LARS2: variants seen among roughly 807,000 people sequenced by gnomAD.
LARS2 encodes leucyl-tRNA synthetase 2, mitochondrial, also known as leucine--tRNA ligase, mitochondrial.
LARS2 carries 81 observed loss-of-function variants against 116.6 expected under a neutral mutation model. The observed-to-expected ratio is 0.69, with a 90% confidence interval of 0.58 to 0.84. LARS2 has a LOEUF of 0.84. Among genes scored for constraint, LARS2 ranks in the 40% least tolerant of loss-of-function variants. The probability of loss-of-function intolerance (pLI) is 0.00; values close to 1 mark genes in which losing one functional copy is unlikely to be tolerated. For missense variants in LARS2, 968 were observed against 1,114.5 expected, an observed-to-expected ratio of 0.87 and a Z score of 1.87; for synonymous variants, 396 against 407.2, an observed-to-expected ratio of 0.97 and a Z score of 0.33.
At chr3:45,400,481 G>A in intron 4 of LARS2, 108 bp downstream of exon 4, 1 of 1,091,744 alleles carries the variant, frequency 9.2e-7, no homozygotes, top group Non-Finnish European at 1.3e-6. Flanking sequence ...GTTAAGATTA[G>A]GACAGCTTTG....
chr3:45,526,426 C>T (rs1441165509), intron 20 of LARS2, among the ~76,000 whole-genome samples: 1 of 152,034 alleles, frequency 6.6e-6, no homozygotes, highest in Admixed American at 6.6e-5. Flanking sequence ...GTGGAGGAGG[C>T]AGTTTTAGAT....
At chr3:45,440,324 A>G (rs1559469933) in intron 6 of LARS2, among the ~76,000 whole-genome samples, 1 of 152,254 alleles carries the variant, frequency 6.6e-6, no homozygotes, top group Non-Finnish European at 1.5e-5. Flanking sequence ...AGACAAAGCC[A>G]TCACTAAACA....
At position 45,475,097 on chromosome 3, in the gene LARS2, T is replaced by C. The variant is rs1487282492; in HGVS notation, c.858+747T>C. 2.6e-5 allele frequency among the ~76,000 whole-genome samples: 4 copies of C among 152,336 alleles called. No homozygotes were observed. In the East Asian group the frequency reaches 7.7e-4, roughly 29 times the overall value. On this transcript the variant is annotated intron_variant, in intron 9 of 21. Coordinates refer to ENST00000645846, the MANE Select transcript of LARS2 (RefSeq NM_015340.4). The stretch of plus-strand genomic sequence containing the variant: ...TTTTTATCCTTCTGATTTCTCCTTC[T>C]GTCATCAAGACTTTTCTGCTCTGTT...
intron 1 of LARS2, chr3:45,389,223 T>C (rs1697896546): frequency 6.6e-6 from 1 of 151,924 alleles, no homozygotes. Flanking sequence ...TACACAGATG[T>C]CCTCGTGTGC....
At chr3:45,446,122 C>T (rs1253854405) in intron 6 of LARS2, among the ~76,000 whole-genome samples, 1 of 152,156 alleles carries the variant, frequency 6.6e-6, no homozygotes, top group Non-Finnish European at 1.5e-5. Flanking sequence ...GAAACATTCC[C>T]TCCCATCATT....
Position 45,516,669 on chromosome 3 carries a change from A to G in LARS2, c.2044+393A>G, listed in dbSNP as rs76058500. Among the ~76,000 whole-genome samples the G allele has an allele frequency of 8.6e-3, 1,310 of 152,236 alleles. 15 individuals are homozygous for G. The highest frequency in any genetic ancestry group is 0.022 in the African/African-American group (923 of 41,514). On this transcript the variant is annotated intron_variant, in intron 17 of 21. Coordinates refer to ENST00000645846, the MANE Select transcript of LARS2 (RefSeq NM_015340.4). ...CTTCTGAGCTACTCCTAGGCCTGCT[A>G]TAGTCCAAAGAGGCCAGTTCCCTCT...
rs752855259 is a variant in LARS2, at chr3:45,547,474, A to C, written c.2656A>C (p.Lys886Gln). ...GVRLLQGRSI[K>Q]KSFLSPRTAL... ...CAGGCTTTTGCAAGGACGAAGCATCAAGAAGTCCTTCCTTTCCCCGAGAAC... is the reference window on the plus strand; with the variant it reads ...CAGGCTTTTGCAAGGACGAAGCATCCAGAAGTCCTTCCTTTCCCCGAGAAC... The change falls in exon 22 of 22, where the codon AAG becomes CAG. Residue 886 changes from lysine to glutamine, a missense_variant. Physicochemically the swap from Lys to Gln is moderately conservative, Grantham distance 53 (BLOSUM62 1). Transcript: ENST00000645846. The C allele has an allele frequency of 1.2e-6, 2 of 1,613,628 alleles. No individual in the cohort carries two copies. Among genetic ancestry groups the C allele is most frequent in the Non-Finnish European group, 1.7e-6 (2 of 1,179,838 alleles).
At chr3:45,475,146 AC>A (rs1272619831) in intron 9 of LARS2, among the ~76,000 whole-genome samples, 1 of 152,116 alleles carries the variant, frequency 6.6e-6, no homozygotes, top group East Asian at 1.9e-4. Context: ...ACCTGCCCTC[AC>A]TTTCGTCCCC....
At chr3:45,395,251 A>G (rs918500561) in intron 3 of LARS2, among the ~76,000 whole-genome samples, 2 of 152,236 alleles carry the variant, frequency 1.3e-5, no homozygotes, top group Non-Finnish European at 2.9e-5. Context: ...GGGGCACACC[A>G]GCCCTTTCAC....
At chr3:45,537,654 T>C (rs1397155306) in intron 20 of LARS2, among the ~76,000 whole-genome samples, 2 of 152,218 alleles carry the variant, frequency 1.3e-5, no homozygotes, top group Non-Finnish European at 2.9e-5. Flanking sequence ...CAAGGCTACA[T>C]GAGGCATAGC....
chr3:45,421,765 A>G (rs766501199), intron 6 of LARS2: 3 of 152,296 alleles, frequency 2.0e-5, no homozygotes, highest in Non-Finnish European at 2.9e-5. Flanking sequence ...TATTGTAGGC[A>G]TATAATACAT....
At chr3:45,487,080 A>G (rs1699827464) in intron 11 of LARS2, among the ~76,000 whole-genome samples, 1 of 152,212 alleles carries the variant, frequency 6.6e-6, no homozygotes, top group South Asian at 2.1e-4. Flanking sequence ...ACTGTTAGAA[A>G]TAGTTCACAT....
At chr3:45,466,346 C>T (rs1699425539) in intron 8 of LARS2, among the ~76,000 whole-genome samples, 1 of 152,134 alleles carries the variant, frequency 6.6e-6, no homozygotes, top group South Asian at 2.1e-4. Flanking sequence ...GTTATTTGAA[C>T]TTCAAAGCTA....
At position 45,488,724 on chromosome 3, in the gene LARS2, C is replaced by A; in HGVS notation, c.1151C>A (p.Thr384Asn). ...ATTCCCAGTACTAGCTCAGAGGACACCATCTTAGCCCAAACCCTGGGCCTG... is the reference window on the plus strand; with the variant it reads ...ATTCCCAGTACTAGCTCAGAGGACAACATCTTAGCCCAAACCCTGGGCCTG... ...IGIPSTSSED[T>N]ILAQTLGLAY... The change falls in exon 12 of 22, where the codon ACC becomes AAC. Residue 384 changes from threonine (T) to asparagine (N), a missense_variant. By Grantham distance (65) the Thr-to-Asn change is moderately conservative. Transcript: ENST00000645846. 2.5e-6 allele frequency: 4 copies of A among 1,612,864 alleles called. No individual in the cohort carries two copies. Among genetic ancestry groups the A allele is most frequent in the Non-Finnish European group, 3.4e-6 (4 of 1,178,796 alleles).
intron 10 of LARS2, 30 bp from the exon 11 acceptor site, chr3:45,485,662 G>T (rs967945196): frequency 7.8e-7 from 1 of 1,288,818 alleles, no homozygotes; most frequent in Non-Finnish European, 1.1e-6. Flanking sequence ...CAGTTGAGTG[G>T]CATCCACAGT....
At chr3:45,407,065 G>A (rs1698245557) in intron 4 of LARS2, among the ~76,000 whole-genome samples, 1 of 152,100 alleles carries the variant, frequency 6.6e-6, no homozygotes, top group Admixed American at 6.5e-5. Flanking sequence ...TTTGTCTCAG[G>A]CAAAAAGCCA....
chr3:45,454,619 T>G (rs1417612595), intron 7 of LARS2, among the ~76,000 whole-genome samples: 1 of 152,172 alleles, frequency 6.6e-6, no homozygotes, highest in Non-Finnish European at 1.5e-5. Flanking sequence ...GCTAGTTAAC[T>G]ACAAAGGAAC....
intron 10 of LARS2, among the ~76,000 whole-genome samples, chr3:45,484,993 G>T (rs879769173): frequency 1.3e-5 from 2 of 151,952 alleles, no homozygotes; most frequent in African/African-American, 2.4e-5. Context: ...TCCCAAAGAT[G>T]CTTCCCAGGG....
chr3:45,409,608 C>T (rs1416692368), intron 4 of LARS2, among the ~76,000 whole-genome samples: 1 of 152,034 alleles, frequency 6.6e-6, no homozygotes, highest in East Asian at 1.9e-4. Flanking sequence ...TTTGTTTCCC[C>T]CTTGACAGTG....
Sources: gnomAD v4.1 joint callset for allele counts (sites outside exome capture counted in the v4.1 genomes callset) on GRCh38, gnomAD v4.1.1 for gene constraint, MANE v1.5 for transcripts, NCBI Gene and HGNC (gene_info 2026-07-23, HGNC 2026-07-21) for gene names.